Variants in STK39 observed in about 807,000 individuals in gnomAD.
STK39 encodes serine/threonine kinase 39.
STK39 carries 20 observed loss-of-function variants against 77.8 expected under a neutral mutation model. That is an observed-to-expected ratio of 0.26 (90% CI 0.18 to 0.37). STK39 has a LOEUF of 0.37. STK39 is among the 10% of genes least tolerant of loss of function. The pLI is 1.00. For missense variants in STK39, 479 were observed against 656.5 expected, an observed-to-expected ratio of 0.73 and a Z score of 2.95; for synonymous variants, 246 against 234.1, an observed-to-expected ratio of 1.05 and a Z score of -0.47.
intron 16 of STK39, among the ~76,000 whole-genome samples, chr2:167,980,736 C>T (rs535957134): frequency 3.5e-5 from 5 of 141,946 alleles, no homozygotes; most frequent in Admixed American, 2.1e-4. Flanking sequence ...TCTACTTTAC[C>T]TTCATTTCTT....
At chr2:168,012,766 A>G in intron 15 of STK39, 64 bp from the exon 16 acceptor site, 5 of 1,343,432 alleles carry the variant, frequency 3.7e-6, no homozygotes, top group Non-Finnish European at 5.1e-6. Flanking sequence ...ACCCAGTACA[A>G]TGTAAAATAT....
chr2:168,023,561 G>GGGCT (rs1157144480), intron 14 of STK39, among the ~76,000 whole-genome samples: 1 of 152,092 alleles, frequency 6.6e-6, no homozygotes, highest in African/African-American at 2.4e-5. Flanking sequence ...TGCTCCTGGA[G>GGGCT]GGCTCCAAAG....
intron 14 of STK39, among the ~76,000 whole-genome samples, chr2:168,020,369 A>G (rs1345879920): frequency 6.6e-6 from 1 of 152,088 alleles, no homozygotes; most frequent in Non-Finnish European, 1.5e-5. Context: ...CGAATCTTAC[A>G]ATTGTTTCTG....
At chr2:168,022,063 G>A (rs1207654931) in intron 14 of STK39, among the ~76,000 whole-genome samples, 1 of 151,976 alleles carries the variant, frequency 6.6e-6, no homozygotes, top group East Asian at 1.9e-4. Flanking sequence ...TACCATCTTG[G>A]AATTTCTCCA....
chr2:168,055,225 G>A (rs1002901168), intron 14 of STK39, among the ~76,000 whole-genome samples: 4 of 152,210 alleles, frequency 2.6e-5, no homozygotes, highest in Admixed American at 6.5e-5. Context: ...TTATAGGCTA[G>A]AGAACAGTTT....
chr2:168,142,373 A>G (rs574504029), intron 5 of STK39, among the ~76,000 whole-genome samples: 1 of 152,230 alleles, frequency 6.6e-6, no homozygotes, highest in East Asian at 1.9e-4. Flanking sequence ...CCAACATTTC[A>G]TTTTTATTAA....
At chr2:168,237,513 G>C (rs1444260642) in intron 1 of STK39, among the ~76,000 whole-genome samples, 3 of 152,188 alleles carry the variant, frequency 2.0e-5, no homozygotes, top group African/African-American at 7.2e-5. Context: ...GTGCATCCCT[G>C]TCTTGTGCCA....
intron 1 of STK39, among the ~76,000 whole-genome samples, chr2:168,227,085 A>AAT (rs1049026983): frequency 5.3e-5 from 8 of 152,156 alleles, no homozygotes; most frequent in East Asian, 1.9e-4. Context: ...ATACCCAAGT[A>AAT]ATATATATAT....
chr2:168,174,506 C>T (rs1688907788), intron 2 of STK39, among the ~76,000 whole-genome samples: 1 of 152,006 alleles, frequency 6.6e-6, no homozygotes, highest in Non-Finnish European at 1.5e-5. Context: ...TATGAAAACT[C>T]AATAGGAAGA....
At chr2:168,045,712 T>C (rs1455896334) in intron 14 of STK39, among the ~76,000 whole-genome samples, 2 of 152,156 alleles carry the variant, frequency 1.3e-5, no homozygotes, top group African/African-American at 4.8e-5. Context: ...AGACATCAGC[T>C]ACCCCATATT....
At position 167,954,833 on chromosome 2, in the gene STK39, C is replaced by T. The variant is rs78831983; in HGVS notation, c.*663G>A. On this transcript the variant is annotated 3_prime_UTR_variant, in exon 18 of 18. Coordinates refer to ENST00000355999, the MANE Select transcript of STK39 (RefSeq NM_013233.3). ...TTTCAAAATTTAGAAGTTACAAATA[C>T]TCCAAAGACAGACCCAAAACTTTTT... 6.6e-6 allele frequency: 1 copy of T among 152,612 alleles called. No homozygotes were observed. Among genetic ancestry groups the T allele is most frequent in the Non-Finnish European group, 1.5e-5 (1 of 68,028 alleles). The allele number at this position is 152,612 out of a possible 1,614,324, so 9.5% of individuals were successfully genotyped here. A position where few individuals can be genotyped will look rare whatever the true frequency, so the allele number is the denominator to read the frequency against.
chr2:168,194,215 A>G (rs1044583237), intron 1 of STK39, among the ~76,000 whole-genome samples: 8 of 152,280 alleles, frequency 5.3e-5, no homozygotes, highest in East Asian at 3.9e-4. Context: ...GGAGTTCAAG[A>G]CCAGCCTGGC....
intron 10 of STK39, among the ~76,000 whole-genome samples, chr2:168,116,600 G>T (rs1269933968): frequency 6.6e-6 from 1 of 151,966 alleles, no homozygotes; most frequent in Admixed American, 6.6e-5. Context: ...GCAGACTCCC[G>T]ACCCCCAACA....
At chr2:168,151,296 TAAAAG>T (rs1288220344) in intron 5 of STK39, among the ~76,000 whole-genome samples, 1 of 152,092 alleles carries the variant, frequency 6.6e-6, no homozygotes, top group Non-Finnish European at 1.5e-5. Flanking sequence ...TCTTTTAAAA[TAAAAG>T]AAACACAAAG....
intron 1 of STK39, among the ~76,000 whole-genome samples, chr2:168,221,020 C>A (rs577035883): frequency 2.0e-5 from 3 of 152,228 alleles, no homozygotes; most frequent in African/African-American, 4.8e-5. Flanking sequence ...TTTTGCATTG[C>A]AGTAATTCAT....
chr2:168,045,972 G>C (rs1335375218), intron 14 of STK39, among the ~76,000 whole-genome samples: 3 of 152,100 alleles, frequency 2.0e-5, no homozygotes, highest in African/African-American at 7.2e-5. Context: ...CAAAGGAGTG[G>C]GCAAGGAGGC....
chr2:167,968,836 C>T (rs1036669093), intron 16 of STK39, among the ~76,000 whole-genome samples: 1 of 152,180 alleles, frequency 6.6e-6, no homozygotes, highest in Non-Finnish European at 1.5e-5. Context: ...AATTAGATTT[C>T]TTTGAAATCC....
chr2:167,998,549 AC>A (rs1683911030), intron 16 of STK39, among the ~76,000 whole-genome samples: 1 of 152,262 alleles, frequency 6.6e-6, no homozygotes, highest in South Asian at 2.1e-4. Flanking sequence ...TTGGGAATGT[AC>A]ATGAAGTGAA....
chr2:168,193,692 G>A (rs558638575), intron 1 of STK39, among the ~76,000 whole-genome samples: 1 of 152,362 alleles, frequency 6.6e-6, no homozygotes, highest in East Asian at 1.9e-4. Context: ...GGGGGCTAAG[G>A]TGTTAGGACT....
Sources: gnomAD v4.1 joint callset for allele counts (sites outside exome capture counted in the v4.1 genomes callset) on GRCh38, gnomAD v4.1.1 for gene constraint, MANE v1.5 for transcripts, NCBI Gene and HGNC (gene_info 2026-07-23, HGNC 2026-07-21) for gene names.